Variants in ACADSB observed in about 807,000 individuals in gnomAD.
ACADSB encodes acyl-CoA dehydrogenase short/branched chain, also known as short/branched chain specific acyl-CoA dehydrogenase, mitochondrial.
ACADSB carries 40 observed loss-of-function variants against 54.1 expected under a neutral mutation model. That is an observed-to-expected ratio of 0.74 (90% CI 0.57 to 0.96). The LOEUF is 0.96. ACADSB is among the 40% of genes least tolerant of loss of function. ACADSB has a pLI of 0.00. For synonymous variants in ACADSB, 182 were observed against 182.8 expected, an observed-to-expected ratio of 1.00 and a Z score of 0.03; for missense variants, 530 against 510.4, an observed-to-expected ratio of 1.04 and a Z score of -0.37.
At chr10:123,033,006 G>A (rs969403385) in intron 1 of ACADSB, among the ~76,000 whole-genome samples, 23 of 151,970 alleles carry the variant, frequency 1.5e-4, no homozygotes, top group African/African-American at 3.6e-4. Flanking sequence ...TTTGCACTTC[G>A]ATTCTTACCT....
At chr10:123,009,657 G>A (rs1849982626) in intron 1 of ACADSB, among the ~76,000 whole-genome samples, 2 of 152,150 alleles carry the variant, frequency 1.3e-5, no homozygotes, top group South Asian at 2.1e-4. Context: ...GGTATCTTCC[G>A]TGGATAGACT....
intron 6 of ACADSB, among the ~76,000 whole-genome samples, chr10:123,043,826 AC>A (rs1850511907): frequency 6.6e-6 from 1 of 152,180 alleles, no homozygotes; most frequent in Non-Finnish European, 1.5e-5. Flanking sequence ...TACCCATATT[AC>A]AAAACTAAGT....
At chr10:123,020,927 C>T (rs746743557) in intron 1 of ACADSB, among the ~76,000 whole-genome samples, 18 of 152,092 alleles carry the variant, frequency 1.2e-4, no homozygotes, top group African/African-American at 3.6e-4. Flanking sequence ...CGCTTGAACC[C>T]GGGAGGCAGA....
At chr10:123,012,619 C>A (rs904178945) in intron 1 of ACADSB, among the ~76,000 whole-genome samples, 1 of 152,000 alleles carries the variant, frequency 6.6e-6, no homozygotes, top group African/African-American at 2.4e-5. Flanking sequence ...AAGCTGCAGA[C>A]CTTCACGGTG....
At chr10:123,024,013 G>A (rs1850216498) in intron 1 of ACADSB, among the ~76,000 whole-genome samples, 1 of 152,214 alleles carries the variant, frequency 6.6e-6, no homozygotes, top group South Asian at 2.1e-4. Flanking sequence ...CCTTAGGTGG[G>A]CACCAATCCC....
At chr10:123,050,427 G>A (rs1363253246) in intron 8 of ACADSB, among the ~76,000 whole-genome samples, 3 of 152,168 alleles carry the variant, frequency 2.0e-5, no homozygotes, top group Non-Finnish European at 4.4e-5. Context: ...ATTTCAGTTT[G>A]TAGTAAACAT....
chr10:123,036,099 T>C (rs1212710413), intron 2 of ACADSB, among the ~76,000 whole-genome samples: 1 of 152,180 alleles, frequency 6.6e-6, no homozygotes, highest in African/African-American at 2.4e-5. Context: ...TCTTTCTTTT[T>C]TTTTTGAAAG....
At chr10:123,038,105 A>G (rs1850423588) in intron 3 of ACADSB, among the ~76,000 whole-genome samples, 1 of 152,192 alleles carries the variant, frequency 6.6e-6, no homozygotes, top group Non-Finnish European at 1.5e-5. Context: ...CGGTTCTCAA[A>G]TGGGGGCAGT....
intron 1 of ACADSB, among the ~76,000 whole-genome samples, chr10:123,018,438 C>A (rs1850136658): frequency 6.6e-6 from 1 of 152,052 alleles, no homozygotes; most frequent in African/African-American, 2.4e-5. Flanking sequence ...CTCCTAAAGA[C>A]TAGAATGAAG....
At chr10:123,040,756 C>A in intron 4 of ACADSB, 84 bp downstream of exon 4, 1 of 1,298,886 alleles carries the variant, frequency 7.7e-7, no homozygotes, top group South Asian at 1.2e-5. Context: ...GCTGCAATGT[C>A]GACTTTACTA....
Position 123,052,602 on chromosome 10 carries a change from G to A in ACADSB, c.1129-459G>A, listed in dbSNP as rs1023325871. Reference sequence around the variant, plus strand: ...CAGCTCTGAGGGCTAGGATGTGGACGTCCTTGAGGGGCCATTCTGCAGGGT... The same window carrying A: ...CAGCTCTGAGGGCTAGGATGTGGACATCCTTGAGGGGCCATTCTGCAGGGT... On this transcript the variant is annotated intron_variant, in intron 9 of 10. Transcript: ENST00000358776. The surrounding 1 kb of genome is among the most constrained non-coding windows in gnomAD (Gnocchi z 4.2). 5.9e-5 allele frequency among the ~76,000 whole-genome samples: 9 copies of A among 152,140 alleles called. No homozygotes were observed. The highest frequency in any genetic ancestry group is 1.9e-4 in the African/African-American group (8 of 41,414).
Position 123,052,130 on chromosome 10 carries a change from A to C in ACADSB, c.1129-931A>C, listed in dbSNP as rs1470893395. On this transcript the variant is annotated intron_variant, in intron 9 of 10. Transcript: ENST00000358776. The surrounding 1 kb of genome is among the most constrained non-coding windows in gnomAD (Gnocchi z 4.2). ...AACCCTTCAGTGGCTTCTCACAACA[A>C]ATGGAGCTCTATCTGTACTAGATTC... Among the ~76,000 whole-genome samples the C allele has an allele frequency of 6.6e-6, 1 of 152,100 alleles. No homozygotes were observed. Among genetic ancestry groups the C allele is most frequent in the African/African-American group, 2.4e-5 (1 of 41,428 alleles).
chr10:123,026,287 T>C (rs1850250567), intron 1 of ACADSB, among the ~76,000 whole-genome samples: 1 of 152,214 alleles, frequency 6.6e-6, no homozygotes, highest in Non-Finnish European at 1.5e-5. Flanking sequence ...AAACCGAGCC[T>C]TCTGAAAATA....
Position 123,043,024 on chromosome 10 carries a change from G to A in ACADSB, c.682-22G>A, listed in dbSNP as rs1315351347. The A allele has an allele frequency of 3.7e-6, 6 of 1,611,394 alleles. No homozygotes were observed. The Admixed American group carries it at 6.7e-5, about 18-fold the overall frequency. Reference sequence around the variant, plus strand: ...CGTTTTATAAATCCAAGTGGTAATAGCGTTTTAATTCTTCTTTTTAGGGAT... The same window carrying A: ...CGTTTTATAAATCCAAGTGGTAATAACGTTTTAATTCTTCTTTTTAGGGAT... On this transcript the variant is annotated intron_variant, in intron 5 of 10. Coordinates refer to ENST00000358776, the MANE Select transcript of ACADSB (RefSeq NM_001609.4).
In ACADSB at chr10:123,053,169, ATTT is replaced by A; in HGVS notation, c.1228+19_1228+21del. The stretch of plus-strand genomic sequence containing the variant: ...CCGAGATGCAAAGATTGGTAAATAG[ATTT>A]TTTTTTTTTACATTTTATTTTGTTT... On this transcript the variant is annotated intron_variant, in intron 10 of 10. Coordinates refer to ENST00000358776, the MANE Select transcript of ACADSB (RefSeq NM_001609.4). 5.5e-6 allele frequency: 7 copies of A among 1,271,038 alleles called. No homozygotes were observed. Among genetic ancestry groups the A allele is most frequent in the East Asian group, 2.6e-5 (1 of 38,146 alleles). 78.7% of individuals were successfully genotyped at this position (1,271,038 alleles called of 1,614,324 possible). A position where few individuals can be genotyped will look rare whatever the true frequency, so the allele number is the denominator to read the frequency against.
chr10:123,035,178 G>A (rs1166911727), intron 2 of ACADSB, among the ~76,000 whole-genome samples: 9 of 151,944 alleles, frequency 5.9e-5, no homozygotes, highest in African/African-American at 1.9e-4. Context: ...GGATGGTCTC[G>A]ATCTCCTGAC....
chr10:123,015,566 C>T (rs1427194452), intron 1 of ACADSB, among the ~76,000 whole-genome samples: 8 of 152,202 alleles, frequency 5.3e-5, no homozygotes, highest in Admixed American at 5.2e-4. Flanking sequence ...GGCAAAATTA[C>T]TGGACTGAGA....
In ACADSB at chr10:123,053,988, A is replaced by T; in HGVS notation, c.*223A>T. 1.7e-6 allele frequency: 1 copy of T among 599,260 alleles called. No individual in the cohort carries two copies. The highest frequency in any genetic ancestry group is 2.9e-6 in the Non-Finnish European group (1 of 339,080). 37.1% of individuals were successfully genotyped at this position (599,260 alleles called of 1,614,324 possible). A position where few individuals can be genotyped will look rare whatever the true frequency, so the allele number is the denominator to read the frequency against. On this transcript the variant is annotated 3_prime_UTR_variant, in exon 11 of 11. Coordinates refer to ENST00000358776, the MANE Select transcript of ACADSB (RefSeq NM_001609.4). ...CCACTTTTAAACTTGGGAAATAAGCACCTGTATTTTTTTCCAAAACTGTTT... is the reference window on the plus strand; with the variant it reads ...CCACTTTTAAACTTGGGAAATAAGCTCCTGTATTTTTTTCCAAAACTGTTT...
intron 2 of ACADSB, among the ~76,000 whole-genome samples, chr10:123,036,655 T>C (rs903731068): frequency 5.9e-5 from 9 of 152,018 alleles, no homozygotes; most frequent in Non-Finnish European, 1.2e-4. Flanking sequence ...ATAAAGGAAA[T>C]AGTTTCAGAA....
Sources: allele counts gnomAD v4.1 joint callset (sites outside exome capture counted in the v4.1 genomes callset), GRCh38; gene constraint gnomAD v4.1.1; non-coding constraint Gnocchi (gnomAD v3.1); transcripts MANE v1.5; gene names NCBI Gene and HGNC (gene_info 2026-07-23, HGNC 2026-07-21).